USH2A: variants seen among roughly 807,000 people sequenced by gnomAD.
USH2A encodes Usher syndrome 2A (autosomal recessive, mild).
In USH2A, 443 loss-of-function variants were observed where a neutral mutation model predicts 538.9. That is an observed-to-expected ratio of 0.82 (90% confidence interval 0.76 to 0.89). The LOEUF (loss-of-function observed/expected upper bound fraction) is 0.89, where lower values mean the gene tolerates loss of function less well. Ranked by LOEUF, USH2A falls within the 40% of genes least tolerant of loss-of-function variation. The pLI is 0.00. For missense variants in USH2A, 6,633 were observed against 6,324.8 expected (o/e 1.05, Z -1.65); for synonymous variants, 2,413 against 2,273.5 (o/e 1.06, Z -1.75).
intron 9 of USH2A, among the ~76,000 whole-genome samples, chr1:216,306,076 G>A (rs1041232929): frequency 1.3e-5 from 2 of 152,072 alleles, no homozygotes; most frequent in East Asian, 1.9e-4. Context: ...GGTTGGGGAC[G>A]TTTTCCTTGA....
chr1:216,086,246 T>C (rs10864232), intron 24 of USH2A, among the ~76,000 whole-genome samples: 120,444 of 151,958 alleles, frequency 0.79, 48,794 homozygotes, highest in East Asian at 0.95. Flanking sequence ...TTTATACGCC[T>C]GTGACCTCTA....
At position 215,625,464 on chromosome 1, in the gene USH2A, C is replaced by G. The variant is rs1655983459; in HGVS notation, c.*317G>C. On this transcript the variant is annotated 3_prime_UTR_variant, in exon 72 of 72. Transcript: ENST00000307340. ...ACAACTGTGAGCCATCTTGAAATTG[C>G]CACTGATTATTCAGTTAACCAGGAG... 1.0e-5 allele frequency: 4 copies of G among 383,416 alleles called. No homozygotes were observed. Among genetic ancestry groups the G allele is most frequent in the African/African-American group, 6.2e-5 (3 of 48,572 alleles). The allele number at this position is 383,416 out of a possible 1,614,324, so 23.8% of individuals were successfully genotyped here.
intron 15 of USH2A, among the ~76,000 whole-genome samples, chr1:216,211,470 A>C (rs1427497914): frequency 1.3e-5 from 2 of 152,166 alleles, no homozygotes; most frequent in Non-Finnish European, 2.9e-5. Flanking sequence ...AGAGGGGGAA[A>C]ATGTTGTTTT....
At chr1:215,888,094 TTCC>T (rs1464931552) in intron 41 of USH2A, among the ~76,000 whole-genome samples, 1 of 152,252 alleles carries the variant, frequency 6.6e-6, no homozygotes, top group Non-Finnish European at 1.5e-5. Context: ...TGCTAATTCA[TTCC>T]TCCTTATTTT....
At chr1:216,190,669 A>C (rs954235786) in intron 19 of USH2A, among the ~76,000 whole-genome samples, 1 of 151,998 alleles carries the variant, frequency 6.6e-6, no homozygotes, top group Admixed American at 6.6e-5. Flanking sequence ...AATGGTAGAG[A>C]TAAAGACGGT....
intron 3 of USH2A, among the ~76,000 whole-genome samples, chr1:216,366,202 G>C (rs771361916): frequency 2.6e-5 from 4 of 152,134 alleles, no homozygotes; most frequent in Non-Finnish European, 5.9e-5. Context: ...TTGAGAGAGG[G>C]GAGGAAAGAG....
intron 43 of USH2A, among the ~76,000 whole-genome samples, chr1:215,869,556 C>T (rs1190772437): frequency 1.3e-5 from 2 of 152,132 alleles, no homozygotes; most frequent in African/African-American, 2.4e-5. Flanking sequence ...GCTAATGGCT[C>T]ACAAGGGAAT....
intron 32 of USH2A, 77 bp from the exon 33 acceptor site, chr1:216,000,639 C>A: frequency 6.5e-7 from 1 of 1,548,148 alleles, no homozygotes; most frequent in African/African-American, 1.4e-5. Context: ...CCACTATAGT[C>A]CTATCTCAGA....
chr1:215,987,578 G>A (rs934548993), intron 35 of USH2A, among the ~76,000 whole-genome samples: 1 of 152,114 alleles, frequency 6.6e-6, no homozygotes, highest in Non-Finnish European at 1.5e-5. Flanking sequence ...AATTAAGCAG[G>A]ACATATTTGA....
At chr1:215,968,663 CA>C (rs1345830216) in intron 36 of USH2A, among the ~76,000 whole-genome samples, 1 of 151,958 alleles carries the variant, frequency 6.6e-6, no homozygotes, top group African/African-American at 2.4e-5. Context: ...ATCTAAAGAA[CA>C]AGAATTATCA....
intron 32 of USH2A, among the ~76,000 whole-genome samples, chr1:216,031,265 T>C (rs2102511772): frequency 6.6e-6 from 1 of 152,198 alleles, no homozygotes; most frequent in African/African-American, 2.4e-5. Context: ...CTTTACCCCA[T>C]AATTGAGCCC....
At chr1:216,395,013 C>T (rs755263562) in intron 3 of USH2A, among the ~76,000 whole-genome samples, 10 of 152,156 alleles carry the variant, frequency 6.6e-5, no homozygotes, top group Non-Finnish European at 1.5e-5. Flanking sequence ...CCACCGCGCC[C>T]AGCCGGTCCA....
intron 64 of USH2A, among the ~76,000 whole-genome samples, chr1:215,658,720 C>A (rs1192191730): frequency 1.3e-5 from 2 of 152,204 alleles, no homozygotes; most frequent in Admixed American, 6.5e-5. Flanking sequence ...ATCTCTCGTG[C>A]CACTTATCAT....
chr1:216,007,819 GGGGGACCCCCAAAGTGACTGTGA>G (rs1293165186), intron 32 of USH2A, among the ~76,000 whole-genome samples: 2 of 152,218 alleles, frequency 1.3e-5, no homozygotes, highest in Non-Finnish European at 2.9e-5. Flanking sequence ...AGTAGAGGTG[GGGGGACCCCCAAAGTGACTGTGA>G]TTTACTTACT....
At chr1:215,961,325 T>C (rs1667194360) in intron 37 of USH2A, among the ~76,000 whole-genome samples, 1 of 151,660 alleles carries the variant, frequency 6.6e-6, no homozygotes, top group Admixed American at 6.6e-5. Context: ...TATTAATGAA[T>C]ACACAACAGA....
intron 4 of USH2A, among the ~76,000 whole-genome samples, chr1:216,340,682 G>A (rs1360018719): frequency 6.6e-6 from 1 of 151,916 alleles, no homozygotes; most frequent in Non-Finnish European, 1.5e-5. Flanking sequence ...GGGATGCAAG[G>A]GTGGTTCAAC....
At chr1:216,247,767 A>C (rs946688364) in intron 12 of USH2A, among the ~76,000 whole-genome samples, 1 of 152,118 alleles carries the variant, frequency 6.6e-6, no homozygotes, top group Non-Finnish European at 1.5e-5. Flanking sequence ...TTAGATCTTA[A>C]ATGTTCTCAC....
intron 32 of USH2A, among the ~76,000 whole-genome samples, chr1:216,018,486 G>A (rs145160571): frequency 9.6e-4 from 146 of 152,268 alleles, no homozygotes; most frequent in Non-Finnish European, 1.7e-3. Flanking sequence ...CAAGCACAGA[G>A]CCTGAGGAAT....
chr1:216,083,694 C>CA (rs2032023700), intron 25 of USH2A, 108 bp from the exon 26 acceptor site: 2 of 1,121,904 alleles, frequency 1.8e-6, no homozygotes, highest in Admixed American at 5.0e-5. Flanking sequence ...GTAAATCTCA[C>CA]AAAAGAAGAT....
Sources: gnomAD v4.1 joint callset for allele counts (sites outside exome capture counted in the v4.1 genomes callset) on GRCh38, gnomAD v4.1.1 for gene constraint, MANE v1.5 for transcripts, NCBI Gene and HGNC (gene_info 2026-07-23, HGNC 2026-07-21) for gene names.